AGPAT4: variants seen among roughly 807,000 people sequenced by gnomAD.
AGPAT4 encodes 1-acylglycerol-3-phosphate O-acyltransferase 4, also known as 1-acyl-sn-glycerol-3-phosphate acyltransferase delta.
A neutral mutation model predicts 48.0 loss-of-function variants in AGPAT4; 15 were observed. The ratio of observed to expected loss-of-function variants is 0.31; its 90% CI spans 0.21 to 0.48. AGPAT4 has a LOEUF of 0.48. Among genes scored for constraint, AGPAT4 ranks in the 20% least tolerant of loss-of-function variants. AGPAT4 has a pLI of 0.99. For synonymous variants in AGPAT4, 178 were observed against 198.7 expected (o/e 0.90, Z 0.88); for missense variants, 314 against 482.5 (o/e 0.65, Z 3.27).
chr6:161,179,447 G>A (rs1780524654), intron 2 of AGPAT4, among the ~76,000 whole-genome samples: 3 of 152,136 alleles, frequency 2.0e-5, no homozygotes, highest in African/African-American at 4.8e-5. Context: ...CCTTACCTAC[G>A]ACATAAAGAT....
At position 161,155,961 on chromosome 6, in the gene AGPAT4, G is replaced by A. The variant is rs1442280250; in HGVS notation, c.349-1651C>T. Among the ~76,000 whole-genome samples the A allele has an allele frequency of 6.6e-6, 1 of 152,226 alleles. No homozygotes were observed. Among genetic ancestry groups the A allele is most frequent in the African/African-American group, 2.4e-5 (1 of 41,452 alleles). On this transcript the variant is annotated intron_variant, in intron 3 of 8. Transcript: ENST00000320285. The surrounding 1 kb of genome is among the most constrained non-coding windows in gnomAD (Gnocchi z 5.8). ...TCCCATGCAGCCAATCATGGCTTCT[G>A]CTGGGGAAAAGCACTCTCAGGGATA...
At chr6:161,269,528 C>T (rs550383902) in intron 1 of AGPAT4, among the ~76,000 whole-genome samples, 1 of 152,282 alleles carries the variant, frequency 6.6e-6, no homozygotes, top group South Asian at 2.1e-4. Context: ...GCAGTCCCAG[C>T]TGCTGGGGGA....
Position 161,140,806 on chromosome 6 carries a change from T to G in AGPAT4, c.844-1186A>C, listed in dbSNP as rs971392758. On this transcript the variant is annotated intron_variant, in intron 7 of 8. Coordinates refer to ENST00000320285, the MANE Select transcript of AGPAT4 (RefSeq NM_020133.3). This position sits in a 1 kb window ranked among gnomAD's most constrained non-coding sequence, Gnocchi z 6.5. ...GGCAGCCACAGGGAATTGCCCAGGT[T>G]GTATGGTGGGCAGCTGCCTCAGCTA... Among the ~76,000 whole-genome samples the G allele has an allele frequency of 1.3e-5, 2 of 152,170 alleles. No homozygotes were observed. Among genetic ancestry groups the G allele is most frequent in the African/African-American group, 4.8e-5 (2 of 41,436 alleles).
At position 161,231,914 on chromosome 6, in the gene AGPAT4, A is replaced by AAAAAC; in HGVS notation, c.178+117_178+121dup. 2 of 1,036,184 alleles carry AAAAAC rather than the reference A, an allele frequency of 1.9e-6. No homozygotes were observed. The highest frequency in any genetic ancestry group is 2.7e-6 in the Non-Finnish European group (2 of 752,324). The allele number at this position is 1,036,184 out of a possible 1,614,324, so 64.2% of individuals were successfully genotyped here. ...AAAATAGCCATTTCAAACCTAAAAC[A>AAAAAC]AAAACAAAACAAAAAAACAGCTCGG... On this transcript the variant is annotated intron_variant, in intron 2 of 8. Coordinates refer to ENST00000320285, the MANE Select transcript of AGPAT4 (RefSeq NM_020133.3). This position sits in a 1 kb window ranked among gnomAD's most constrained non-coding sequence, Gnocchi z 5.3.
rs1316953959 is a variant in AGPAT4, at chr6:161,155,178, C to G, written c.349-868G>C. ...TCCCCAGGGCTCGGTGTGGCCCTCC[C>G]CAGCCAGGCGTCCACTACATCAGTC... On this transcript the variant is annotated intron_variant, in intron 3 of 8. Coordinates refer to ENST00000320285, the MANE Select transcript of AGPAT4 (RefSeq NM_020133.3). This position sits in a 1 kb window ranked among gnomAD's most constrained non-coding sequence, Gnocchi z 5.8. 2.6e-5 allele frequency among the ~76,000 whole-genome samples: 4 copies of G among 152,324 alleles called. No homozygotes were observed. The highest frequency in any genetic ancestry group is 2.1e-4 in the South Asian group (1 of 4,824).
Position 161,164,648 on chromosome 6 carries a change from G to A in AGPAT4, c.348+1600C>T, listed in dbSNP as rs532973005. ...ATCACTCAGCCAAACTGAGGCTCTGGGGGTTTATTTATAAAATGTGGATAA... is the reference window on the plus strand; with the variant it reads ...ATCACTCAGCCAAACTGAGGCTCTGAGGGTTTATTTATAAAATGTGGATAA... On this transcript the variant is annotated intron_variant, in intron 3 of 8. Transcript: ENST00000320285. This position sits in a 1 kb window ranked among gnomAD's most constrained non-coding sequence, Gnocchi z 7.4. 1.4e-4 allele frequency among the ~76,000 whole-genome samples: 21 copies of A among 152,284 alleles called. No individual in the cohort carries two copies. In the South Asian group the frequency reaches 4.2e-3, roughly 30 times the overall value.
rs1418212373 is a variant in AGPAT4, at chr6:161,251,988, G to T, written c.-89-19686C>A. ...GAATTTTTGCATGAGTGAAAAATCA[G>T]ACCTTGGTGATGACCTTGAGCAGGA... On this transcript the variant is annotated intron_variant, in intron 1 of 8. Transcript: ENST00000320285. The surrounding 1 kb of genome is among the most constrained non-coding windows in gnomAD (Gnocchi z 4.6). 6.6e-6 allele frequency among the ~76,000 whole-genome samples: 1 copy of T among 152,180 alleles called. No individual in the cohort carries two copies. The highest frequency in any genetic ancestry group is 1.9e-4 in the East Asian group (1 of 5,196).
Position 161,251,866 on chromosome 6 carries a change from T to C in AGPAT4, c.-89-19564A>G, listed in dbSNP as rs1481267588. Among the ~76,000 whole-genome samples, 1 of 152,240 alleles carries C rather than the reference T, an allele frequency of 6.6e-6. No homozygotes were observed. Among genetic ancestry groups the C allele is most frequent in the Non-Finnish European group, 1.5e-5 (1 of 68,042 alleles). On this transcript the variant is annotated intron_variant, in intron 1 of 8. Transcript: ENST00000320285. The surrounding 1 kb of genome is among the most constrained non-coding windows in gnomAD (Gnocchi z 4.6). Reference sequence around the variant, plus strand: ...AGCCATTTAGATTCTTCTAAAGGGATACATTACCTGTTACAGATTAGGGAA... The same window carrying C: ...AGCCATTTAGATTCTTCTAAAGGGACACATTACCTGTTACAGATTAGGGAA...
chr6:161,232,046 G>A lies in AGPAT4; in HGVS notation c.168C>T (p.Cys56=), dbSNP rs752513794. Residue 56 remains cysteine (C), a synonymous_variant, in exon 2 of 9, where the codon TGC becomes TGT. Transcript: ENST00000320285. This position sits in a 1 kb window ranked among gnomAD's most constrained non-coding sequence, Gnocchi z 6.8. ...TCTTAAGTATCTTACGGCTTGAGATGCAATAGGACAGTCTGCAGTTGATCT... is the reference window on the plus strand; with the variant it reads ...TCTTAAGTATCTTACGGCTTGAGATACAATAGGACAGTCTGCAGTTGATCT... ...FRKINCRLSY[C]ISSQLVMLLE... 5.0e-6 allele frequency: 8 copies of A among 1,613,836 alleles called. No homozygotes were observed. Among genetic ancestry groups the A allele is most frequent in the Non-Finnish European group, 6.8e-6 (8 of 1,179,932 alleles).
chr6:161,174,782 T>C (rs1780382278), intron 2 of AGPAT4, among the ~76,000 whole-genome samples: 1 of 152,216 alleles, frequency 6.6e-6, no homozygotes, highest in Non-Finnish European at 1.5e-5. Flanking sequence ...TGACTGTGGG[T>C]CTGCCATAAA....
In AGPAT4 at chr6:161,138,340, A is replaced by T. The variant is rs919106279; in HGVS notation, c.1042+1082T>A. Among the ~76,000 whole-genome samples, 3 of 152,210 alleles carry T rather than the reference A, an allele frequency of 2.0e-5. No individual in the cohort carries two copies. Among genetic ancestry groups the T allele is most frequent in the Non-Finnish European group, 4.4e-5 (3 of 68,032 alleles). ...AGGAGCCAGCTTGTCTACTGCACCCATATGCTGCAGCATTGGTTGGCTCAG... is the reference window on the plus strand; with the variant it reads ...AGGAGCCAGCTTGTCTACTGCACCCTTATGCTGCAGCATTGGTTGGCTCAG... On this transcript the variant is annotated intron_variant, in intron 8 of 8. Transcript: ENST00000320285. The surrounding 1 kb of genome is among the most constrained non-coding windows in gnomAD (Gnocchi z 4.8).
At position 161,270,110 on chromosome 6, in the gene AGPAT4, G is replaced by C. The variant is rs1783380192; in HGVS notation, c.-90+3828C>G. On this transcript the variant is annotated intron_variant, in intron 1 of 8. Transcript: ENST00000320285. The surrounding 1 kb of genome is among the most constrained non-coding windows in gnomAD (Gnocchi z 5.3). ...GAAAATGGGTATCTGCCAGTCATGGGGTTTCCCTTGTAAACCCATTTGAAA... is the reference window on the plus strand; with the variant it reads ...GAAAATGGGTATCTGCCAGTCATGGCGTTTCCCTTGTAAACCCATTTGAAA... Among the ~76,000 whole-genome samples the C allele has an allele frequency of 6.6e-6, 1 of 152,248 alleles. No homozygotes were observed. Among genetic ancestry groups the C allele is most frequent in the South Asian group, 2.1e-4 (1 of 4,816 alleles).
chr6:161,230,563 A>T (rs888987461), intron 2 of AGPAT4, among the ~76,000 whole-genome samples: 1 of 152,220 alleles, frequency 6.6e-6, no homozygotes, highest in Non-Finnish European at 1.5e-5. Context: ...TCAAACAGCT[A>T]CAGTTCCTGT....
At position 161,246,049 on chromosome 6, in the gene AGPAT4, C is replaced by T. The variant is rs912319681; in HGVS notation, c.-89-13747G>A. 1.3e-5 allele frequency among the ~76,000 whole-genome samples: 2 copies of T among 152,268 alleles called. No homozygotes were observed. The highest frequency in any genetic ancestry group is 3.4e-3 in the Middle Eastern group (1 of 294). The stretch of plus-strand genomic sequence containing the variant: ...AAATGGCCACAAGAATACTGAAGTA[C>T]TTGGATATGAAGGATGCCTTTGAGG... On this transcript the variant is annotated intron_variant, in intron 1 of 8. Coordinates refer to ENST00000320285, the MANE Select transcript of AGPAT4 (RefSeq NM_020133.3). The surrounding 1 kb of genome is among the most constrained non-coding windows in gnomAD (Gnocchi z 5.5).
In AGPAT4 at chr6:161,208,879, A is replaced by C. The variant is rs1452858066; in HGVS notation, c.178+23157T>G. ...ACAGCTGCCTAACAGGAAAAAAATC[A>C]TTAATAATCAGGTGAAACAATGTAA... On this transcript the variant is annotated intron_variant, in intron 2 of 8. Coordinates refer to ENST00000320285, the MANE Select transcript of AGPAT4 (RefSeq NM_020133.3). This position sits in a 1 kb window ranked among gnomAD's most constrained non-coding sequence, Gnocchi z 4.6. Among the ~76,000 whole-genome samples the C allele has an allele frequency of 2.0e-5, 3 of 152,238 alleles. No homozygotes were observed. Among genetic ancestry groups the C allele is most frequent in the African/African-American group, 7.2e-5 (3 of 41,472 alleles).
Position 161,264,604 on chromosome 6 carries a change from G to A in AGPAT4, c.-90+9334C>T, listed in dbSNP as rs1783195629. 6.6e-6 allele frequency among the ~76,000 whole-genome samples: 1 copy of A among 152,202 alleles called. No homozygotes were observed. Among genetic ancestry groups the A allele is most frequent in the Non-Finnish European group, 1.5e-5 (1 of 68,030 alleles). ...CTTATCCACTGCGTGGGAACCCCTC[G>A]CTGAGGCTTCCGTCTTGCCCTCTGG... On this transcript the variant is annotated intron_variant, in intron 1 of 8. Coordinates refer to ENST00000320285, the MANE Select transcript of AGPAT4 (RefSeq NM_020133.3). This position sits in a 1 kb window ranked among gnomAD's most constrained non-coding sequence, Gnocchi z 6.8.
chr6:161,165,188 CTT>C lies in AGPAT4; in HGVS notation c.348+1058_348+1059del, dbSNP rs1314208697. ...AATGATAGTTACTAGAATGTTTGCT[CTT>C]GTTCCTAGAAATATATTTGCACACA... On this transcript the variant is annotated intron_variant, in intron 3 of 8. Coordinates refer to ENST00000320285, the MANE Select transcript of AGPAT4 (RefSeq NM_020133.3). The surrounding 1 kb of genome is among the most constrained non-coding windows in gnomAD (Gnocchi z 5.5). 3.3e-5 allele frequency among the ~76,000 whole-genome samples: 5 copies of C among 152,204 alleles called. No homozygotes were observed. Among genetic ancestry groups the C allele is most frequent in the Admixed American group, 6.5e-5 (1 of 15,272 alleles).
At chr6:161,247,158 C>G (rs1354557696) in intron 1 of AGPAT4, among the ~76,000 whole-genome samples, 2 of 152,200 alleles carry the variant, frequency 1.3e-5, no homozygotes, top group Admixed American at 1.3e-4. Context: ...AGAGGAGGAA[C>G]TCAGATGTCG....
chr6:161,224,318 G>A (rs147514368), intron 2 of AGPAT4, among the ~76,000 whole-genome samples: 8 of 152,216 alleles, frequency 5.3e-5, no homozygotes, highest in East Asian at 3.9e-4. Context: ...AAGTAGAACC[G>A]TTTTGTAAGA....
Sources: gnomAD v4.1 joint callset for allele counts (sites outside exome capture counted in the v4.1 genomes callset) on GRCh38, gnomAD v4.1.1 for gene constraint, Gnocchi (gnomAD v3.1) non-coding constraint, MANE v1.5 for transcripts, NCBI Gene and HGNC (gene_info 2026-07-23, HGNC 2026-07-21) for gene names.